MAPK8: variants seen among roughly 807,000 people sequenced by gnomAD.
MAPK8 encodes JUN N-terminal kinase.
MAPK8 carries 13 observed loss-of-function variants against 52.9 expected under a neutral mutation model. The ratio of observed to expected loss-of-function variants is 0.25; its 90% CI spans 0.16 to 0.39. The LOEUF (loss-of-function observed/expected upper bound fraction) is 0.39. Ranked by LOEUF, MAPK8 falls within the 10% of genes least tolerant of loss-of-function variation. The probability of loss-of-function intolerance (pLI) is 1.00; values close to 1 mark genes in which losing one functional copy is unlikely to be tolerated. For synonymous variants in MAPK8, 191 were observed against 169.8 expected, an observed-to-expected ratio of 1.12 and a Z score of -0.97; for missense variants, 300 against 519.2, an observed-to-expected ratio of 0.58 and a Z score of 4.10.
intron 1 of MAPK8, among the ~76,000 whole-genome samples, chr10:48,338,239 T>C (rs1045067897): frequency 6.6e-6 from 1 of 151,976 alleles, no homozygotes; most frequent in Non-Finnish European, 1.5e-5. Flanking sequence ...TAGCAGCACA[T>C]AAAAAAGATA....
rs1291975400 is a variant in MAPK8, at chr10:48,438,197, T to A, written c.*3168T>A. 2 of 152,228 alleles carry A rather than the reference T, an allele frequency of 1.3e-5. No individual in the cohort carries two copies. Among genetic ancestry groups the A allele is most frequent in the Admixed American group, 1.3e-4 (2 of 15,280 alleles). 9.4% of individuals were successfully genotyped at this position (152,228 alleles called of 1,614,324 possible). ...TGAAGCCCCATGACACCAGTAAACTTCTCTTACCAGTAGGTAAACCAAACA... is the reference window on the plus strand; with the variant it reads ...TGAAGCCCCATGACACCAGTAAACTACTCTTACCAGTAGGTAAACCAAACA... On this transcript the variant is annotated 3_prime_UTR_variant, in exon 12 of 12. Transcript: ENST00000374189.
chr10:48,378,319 A>C (rs2040794215), intron 1 of MAPK8, among the ~76,000 whole-genome samples: 1 of 152,216 alleles, frequency 6.6e-6, no homozygotes, highest in Admixed American at 6.5e-5. Context: ...ACCTCAGTTA[A>C]GTCATTGATT....
intron 1 of MAPK8, among the ~76,000 whole-genome samples, 190 bp from the exon 2 acceptor site, chr10:48,401,422 C>CT (rs2042153143): frequency 6.6e-6 from 1 of 151,982 alleles, no homozygotes; most frequent in African/African-American, 2.4e-5. Flanking sequence ...TTAAAAAAAA[C>CT]TATCAGTCAT....
chr10:48,360,101 A>C (rs1478791480), intron 1 of MAPK8, among the ~76,000 whole-genome samples: 1 of 152,192 alleles, frequency 6.6e-6, no homozygotes, highest in Non-Finnish European at 1.5e-5. Flanking sequence ...TGGGAGATGT[A>C]GGTTGCAGTG....
At chr10:48,416,397 A>G (rs2043066132) in intron 5 of MAPK8, among the ~76,000 whole-genome samples, 1 of 152,182 alleles carries the variant, frequency 6.6e-6, no homozygotes, top group African/African-American at 2.4e-5. Context: ...AAATGTGGGG[A>G]GAGCAGACTT....
chr10:48,316,828 A>G (rs1842548087), intron 1 of MAPK8, among the ~76,000 whole-genome samples: 1 of 152,192 alleles, frequency 6.6e-6, no homozygotes, highest in African/African-American at 2.4e-5. Context: ...CCCTGCTCCC[A>G]CCAAAAAGCT....
intron 2 of MAPK8, among the ~76,000 whole-genome samples, chr10:48,403,748 T>G (rs574115545): frequency 4.4e-4 from 66 of 151,064 alleles, no homozygotes; most frequent in African/African-American, 1.6e-3. Context: ...TTTGTTTTTT[T>G]GTTTTTTTGT....
chr10:48,321,478 T>C (rs1022756888), intron 1 of MAPK8, among the ~76,000 whole-genome samples: 8 of 152,344 alleles, frequency 5.3e-5, no homozygotes, highest in Admixed American at 2.6e-4. Flanking sequence ...CTTTTTACTT[T>C]CTTGATGGCA....
At chr10:48,421,757 T>C (rs2043370339) in intron 6 of MAPK8, among the ~76,000 whole-genome samples, 2 of 152,090 alleles carry the variant, frequency 1.3e-5, no homozygotes, top group Admixed American at 1.3e-4. Flanking sequence ...TGAGCCGAGA[T>C]TGCACCACTG....
chr10:48,362,436 A>G (rs1847621322), intron 1 of MAPK8, among the ~76,000 whole-genome samples: 1 of 151,756 alleles, frequency 6.6e-6, no homozygotes, highest in Non-Finnish European at 1.5e-5. Flanking sequence ...TCTTGGGATC[A>G]GGGAGTCATC....
intron 1 of MAPK8, among the ~76,000 whole-genome samples, chr10:48,343,034 G>C (rs957720935): frequency 6.6e-6 from 1 of 152,202 alleles, no homozygotes; most frequent in Non-Finnish European, 1.5e-5. Context: ...GCAAAGAACT[G>C]ATTTCAGCAA....
intron 1 of MAPK8, among the ~76,000 whole-genome samples, chr10:48,319,223 G>A (rs1164269013): frequency 6.6e-6 from 1 of 152,184 alleles, no homozygotes; most frequent in African/African-American, 2.4e-5. Flanking sequence ...AAGGGACTAA[G>A]AATTTTTTAA....
Position 48,351,475 on chromosome 10 carries a change from G to A in MAPK8, c.-50+44654G>A, listed in dbSNP as rs538143826. ...TCCTCCTGCCTTAGCCTCCCAAAGT[G>A]TTGGGATTGTACCCATGAGTCATGG... On this transcript the variant is annotated intron_variant, in intron 1 of 11. Coordinates refer to ENST00000374189, the MANE Select transcript of MAPK8 (RefSeq NM_001323329.2). Among the ~76,000 whole-genome samples, 5 of 151,854 alleles carry A rather than the reference G, an allele frequency of 3.3e-5. No homozygotes were observed. In the East Asian group the frequency reaches 9.7e-4, roughly 29 times the overall value.
At chr10:48,388,678 A>G (rs2041456762) in intron 1 of MAPK8, among the ~76,000 whole-genome samples, 1 of 152,184 alleles carries the variant, frequency 6.6e-6, no homozygotes, top group Admixed American at 6.5e-5. Flanking sequence ...AGATTACAAA[A>G]TAATTTCTCT....
At chr10:48,348,023 AGT>A (rs1398497289) in intron 1 of MAPK8, among the ~76,000 whole-genome samples, 1 of 152,232 alleles carries the variant, frequency 6.6e-6, no homozygotes, top group Non-Finnish European at 1.5e-5. Flanking sequence ...ACAGTGTAAA[AGT>A]GTTCCTATTT....
intron 1 of MAPK8, among the ~76,000 whole-genome samples, chr10:48,384,709 A>AT (rs1465731597): frequency 6.6e-6 from 1 of 152,202 alleles, no homozygotes; most frequent in Non-Finnish European, 1.5e-5. Context: ...ATAGGTCCAG[A>AT]TTATTAGTAG....
intron 1 of MAPK8, among the ~76,000 whole-genome samples, chr10:48,393,346 A>G (rs1229923109): frequency 6.6e-6 from 1 of 152,136 alleles, no homozygotes; most frequent in Non-Finnish European, 1.5e-5. Flanking sequence ...TTTATCTTCA[A>G]GATTATATTT....
At chr10:48,420,081 G>C in intron 5 of MAPK8, 74 bp from the exon 6 acceptor site, 5 of 1,115,918 alleles carry the variant, frequency 4.5e-6, no homozygotes, top group Non-Finnish European at 6.6e-6. Flanking sequence ...GCAAGGGATA[G>C]TATAACTTTA....
In MAPK8 at chr10:48,417,968, C is replaced by G. The variant is rs2043153008; in HGVS notation, c.451-2187C>G. 2.6e-5 allele frequency among the ~76,000 whole-genome samples: 4 copies of G among 152,158 alleles called. No individual in the cohort carries two copies. In the South Asian group the frequency reaches 8.3e-4, roughly 31 times the overall value. ...TTCAACAAACTTTTTCTGTCAAAGC[C>G]ATGTAGTAAATATTTTAGGCTTTGT... is the stretch of plus-strand genomic sequence containing the variant. On this transcript the variant is annotated intron_variant, in intron 5 of 11. Transcript: ENST00000374189.
Sources: allele counts gnomAD v4.1 joint callset (sites outside exome capture counted in the v4.1 genomes callset), GRCh38; gene constraint gnomAD v4.1.1; transcripts MANE v1.5; gene names NCBI Gene and HGNC (gene_info 2026-07-23, HGNC 2026-07-21).